GOSR2: variants seen among roughly 807,000 people sequenced by gnomAD.
GOSR2 encodes 27 kDa Golgi SNARE protein.
A neutral mutation model predicts 27.9 loss-of-function variants in GOSR2; 20 were observed. The observed-to-expected ratio is 0.72, with a 90% confidence interval of 0.50 to 1.04. GOSR2 has a LOEUF of 1.04. Among genes scored for constraint, GOSR2 ranks in the 50% least tolerant of loss-of-function variants. The probability of loss-of-function intolerance (pLI) is 0.00; values close to 1 mark genes in which losing one functional copy is unlikely to be tolerated. For missense variants in GOSR2, 261 were observed against 270.5 expected, an observed-to-expected ratio of 0.97 and a Z score of 0.25; for synonymous variants, 91 against 98.8, an observed-to-expected ratio of 0.92 and a Z score of 0.47.
At chr17:46,952,168 T>C (rs925636082) in intron 6 of GOSR2, among the ~76,000 whole-genome samples, 1 of 152,238 alleles carries the variant, frequency 6.6e-6, no homozygotes, top group Non-Finnish European at 1.5e-5. Context: ...GTCTTTGGAC[T>C]ACAAATCCTT....
chr17:46,966,858 G>C, exon 7 of GOSR2: 1 of 409,362 alleles, frequency 2.4e-6, no homozygotes, highest in Non-Finnish European at 4.3e-6. Flanking sequence ...CATGTGAAGA[G>C]CCCTCTCTAA....
chr17:46,969,704 A>G (rs1337019871), downstream of GOSR2, among the ~76,000 whole-genome samples: 1 of 152,250 alleles, frequency 6.6e-6, no homozygotes. Flanking sequence ...CACGGGAATC[A>G]AAACAATGAA....
chr17:46,923,828 C>T (rs528119606), intron 1 of GOSR2: 26 of 399,450 alleles, frequency 6.5e-5, no homozygotes, highest in Non-Finnish European at 1.1e-4. Context: ...GTCCTTTATT[C>T]GCATCGTCCT....
At chr17:46,970,242 A>G (rs2091377375), downstream of GOSR2, among the ~76,000 whole-genome samples, 1 of 152,172 alleles carries the variant, frequency 6.6e-6, no homozygotes, top group African/African-American at 2.4e-5. Context: ...TGCTTCCTGC[A>G]AAAAGATCTC....
intron 6 of GOSR2, among the ~76,000 whole-genome samples, chr17:46,950,615 A>G (rs948893817): frequency 6.6e-6 from 1 of 152,154 alleles, no homozygotes; most frequent in African/African-American, 2.4e-5. Context: ...CCACCATGTG[A>G]ACTTAGCGGG....
At position 46,940,524 on chromosome 17, in the gene GOSR2, A is replaced by G; in HGVS notation, c.*1764A>G. 1.2e-6 allele frequency: 2 copies of G among 1,614,012 alleles called. No homozygotes were observed. Among genetic ancestry groups the G allele is most frequent in the Non-Finnish European group, 1.7e-6 (2 of 1,179,946 alleles). Reference sequence around the variant, plus strand: ...GGTAATCCATAAAATGGATTCTGAGACTGCGACGGCAAGGCTGTCCTGTCC... The same window carrying G: ...GGTAATCCATAAAATGGATTCTGAGGCTGCGACGGCAAGGCTGTCCTGTCC... On this transcript the variant is annotated 3_prime_UTR_variant, in exon 6 of 6. Coordinates refer to ENST00000640051, the MANE Select transcript of GOSR2 (RefSeq NM_004287.5).
intron 6 of GOSR2, among the ~76,000 whole-genome samples, chr17:46,955,933 G>A (rs1048208547): frequency 2.6e-5 from 4 of 152,144 alleles, no homozygotes; most frequent in South Asian, 2.1e-4. Context: ...TCCTGAGGGC[G>A]AAGACTCTAA....
chr17:46,951,867 C>T (rs1314492290), intron 6 of GOSR2, among the ~76,000 whole-genome samples: 4 of 152,256 alleles, frequency 2.6e-5, no homozygotes, highest in South Asian at 2.1e-4. Flanking sequence ...GCTTTTCCCT[C>T]GGGGTGTTTG....
chr17:46,934,620 G>A lies in GOSR2; in HGVS notation c.337-409G>A, dbSNP rs922265732. Among the ~76,000 whole-genome samples, 3 of 152,208 alleles carry A rather than the reference G, an allele frequency of 2.0e-5. No individual in the cohort carries two copies. In the East Asian group the frequency reaches 5.8e-4, roughly 29 times the overall value. ...TATAGATAAAATAGCTAAAGGACAC[G>A]AGCAAACATTTAACACTGCATTAAG... On this transcript the variant is annotated intron_variant, in intron 4 of 5. Coordinates refer to ENST00000640051, the MANE Select transcript of GOSR2 (RefSeq NM_004287.5).
At chr17:46,943,543 C>G (rs1181631646), downstream of GOSR2, among the ~76,000 whole-genome samples, 1 of 152,272 alleles carries the variant, frequency 6.6e-6, no homozygotes, top group Non-Finnish European at 1.5e-5. Context: ...CAAACAACCT[C>G]ATACTGCACG....
rs752904810 is a variant in GOSR2 at position 46,939,544 on chromosome 17, G to A, written c.*784G>A. On this transcript the variant is annotated 3_prime_UTR_variant, in exon 6 of 6. Coordinates refer to ENST00000640051, the MANE Select transcript of GOSR2 (RefSeq NM_004287.5). ...TGGCACCTGCGCCCAGGCTTTGTGG[G>A]CCTTTGCCCCTTAGAAAGTAGCTGT... 3 of 985,532 alleles carry A rather than the reference G, an allele frequency of 3.0e-6. No individual in the cohort carries two copies. The highest frequency in any genetic ancestry group is 3.6e-6 in the Non-Finnish European group (3 of 829,996). 61.0% of individuals were successfully genotyped at this position (985,532 alleles called of 1,614,324 possible). A position where few individuals can be genotyped will look rare whatever the true frequency, so the allele number is the denominator to read the frequency against.
intron 6 of GOSR2, among the ~76,000 whole-genome samples, chr17:46,959,503 A>G (rs933771319): frequency 2.6e-5 from 4 of 152,132 alleles, no homozygotes; most frequent in African/African-American, 9.7e-5. Flanking sequence ...GCAAAGGAAA[A>G]GGTTCTTCTG....
downstream of GOSR2, among the ~76,000 whole-genome samples, chr17:46,945,973 C>A (rs1358240341): frequency 1.3e-5 from 2 of 152,178 alleles, no homozygotes; most frequent in Non-Finnish European, 2.9e-5. Flanking sequence ...TTTCTTTTTT[C>A]CCCCTGTGGC....
chr17:46,946,106 C>A (rs4968249), downstream of GOSR2, among the ~76,000 whole-genome samples: 1,732 of 152,032 alleles, frequency 0.011, 63 homozygotes, highest in Admixed American at 0.066. Flanking sequence ...GGAATCAATT[C>A]TCTGTCGTCA....
intron 1 of GOSR2, among the ~76,000 whole-genome samples, chr17:46,924,065 A>G (rs549506732): frequency 4.4e-4 from 67 of 152,364 alleles, no homozygotes; most frequent in African/African-American, 1.6e-3. Flanking sequence ...TTACATCACT[A>G]CGATCCATTT....
In GOSR2 at chr17:46,939,975, A is replaced by G; in HGVS notation, c.*1215A>G. On this transcript the variant is annotated 3_prime_UTR_variant, in exon 6 of 6. Coordinates refer to ENST00000640051, the MANE Select transcript of GOSR2 (RefSeq NM_004287.5). The stretch of plus-strand genomic sequence containing the variant: ...CAGCAGCTTCATGGCAAGACATAAA[A>G]TGACACTCAAAATCCTTCAGATCTG... The G allele has an allele frequency of 3.3e-5, 33 of 1,009,474 alleles. No homozygotes were observed. Among genetic ancestry groups the G allele is most frequent in the Non-Finnish European group, 3.9e-5 (33 of 842,948 alleles). The allele number at this position is 1,009,474 out of a possible 1,614,324, so 62.5% of individuals were successfully genotyped here. A position where few individuals can be genotyped will look rare whatever the true frequency, so the allele number is the denominator to read the frequency against.
Position 46,940,884 on chromosome 17 carries a change from C to T in GOSR2, c.*2124C>T, listed in dbSNP as rs2089178921. On this transcript the variant is annotated 3_prime_UTR_variant, in exon 6 of 6. Transcript: ENST00000640051. ...ATTGAGACTGCATGTTGTCACATGA[C>T]CACTTCTCTTCACACATCTGCTTTC... 1 of 1,401,132 alleles carries T rather than the reference C, an allele frequency of 7.1e-7. No individual in the cohort carries two copies. The highest frequency in any genetic ancestry group is 9.3e-7 in the Non-Finnish European group (1 of 1,077,504). The allele number at this position is 1,401,132 out of a possible 1,614,324, so 86.8% of individuals were successfully genotyped here.
At chr17:46,953,507 T>A (rs1271992131) in intron 6 of GOSR2, among the ~76,000 whole-genome samples, 1 of 152,186 alleles carries the variant, frequency 6.6e-6, no homozygotes, top group African/African-American at 2.4e-5. Context: ...GCAATAAACA[T>A]ACGTGTGCAT....
chr17:46,926,033 C>T (rs2086443699), intron 1 of GOSR2, among the ~76,000 whole-genome samples: 1 of 152,116 alleles, frequency 6.6e-6, no homozygotes, highest in Admixed American at 6.5e-5. Flanking sequence ...ATCGTATGTC[C>T]AGGACACAAG....
Sources: gnomAD v4.1 joint callset for allele counts (sites outside exome capture counted in the v4.1 genomes callset) on GRCh38, gnomAD v4.1.1 for gene constraint, MANE v1.5 for transcripts, NCBI Gene and HGNC (gene_info 2026-07-23, HGNC 2026-07-21) for gene names.